The following NEBL variants were observed in gnomAD, a reference collection of about 807,000 sequenced individuals.
The protein encoded by NEBL is nebulette.
NEBL carries 122 observed loss-of-function variants against 140.2 expected under a neutral mutation model. The observed-to-expected ratio is 0.87, with a 90% CI of 0.75 to 1.01. The LOEUF (loss-of-function observed/expected upper bound fraction) is 1.01, where lower values mean the gene tolerates loss of function less well. Among genes scored for constraint, NEBL ranks in the 50% least tolerant of loss-of-function variants. NEBL has a pLI of 0.00. For synonymous variants in NEBL, 436 were observed against 398.9 expected (o/e 1.09, Z -1.11); for missense variants, 1,365 against 1,231.3 (o/e 1.11, Z -1.62).
intron 3 of NEBL, among the ~76,000 whole-genome samples, chr10:20,963,091 A>G (rs1288435182): frequency 6.6e-6 from 1 of 151,662 alleles, no homozygotes; most frequent in African/African-American, 2.4e-5. Flanking sequence ...AGAATACCTA[A>G]TTCTTCTCTC....
intron 4 of NEBL, among the ~76,000 whole-genome samples, chr10:20,918,357 CA>C (rs1263680500): frequency 4.6e-5 from 7 of 151,468 alleles, no homozygotes; most frequent in South Asian, 2.1e-4. Context: ...GACTCTGTCT[CA>C]AAAAAAAGAA....
At position 20,938,733 on chromosome 10, in the gene NEBL, A is replaced by G. The variant is rs568190725; in HGVS notation, c.357+22939T>C. Among the ~76,000 whole-genome samples the G allele has an allele frequency of 8.5e-5, 13 of 152,324 alleles. No homozygotes were observed. In the East Asian group the frequency reaches 2.3e-3, roughly 27 times the overall value. On this transcript the variant is annotated intron_variant, in intron 4 of 6. Transcript: ENST00000417816. ...GCTAACTAGAATAACCAATGCAAAG[A>G]AGTCCTCAAAGGACCTGATGGAGCT...
At chr10:20,893,939 T>C (rs1424471871) in intron 2 of NEBL, among the ~76,000 whole-genome samples, 1 of 152,196 alleles carries the variant, frequency 6.6e-6, no homozygotes. Context: ...ATCTAACAGC[T>C]TTCTGCAGCT....
chr10:20,799,521 G>A (rs1235510217), intron 26 of NEBL, among the ~76,000 whole-genome samples: 1 of 152,030 alleles, frequency 6.6e-6, no homozygotes, highest in East Asian at 1.9e-4. Context: ...CACTTTTTTG[G>A]ACAAATGTAA....
At chr10:21,208,122 G>C (rs1053856524) in intron 3 of NEBL, among the ~76,000 whole-genome samples, 2 of 152,110 alleles carry the variant, frequency 1.3e-5, no homozygotes, top group South Asian at 2.1e-4. Context: ...CTAGGCTGGG[G>C]TTTTTAAGAA....
intron 11 of NEBL, among the ~76,000 whole-genome samples, 183 bp downstream of exon 11, chr10:20,850,212 A>G (rs1039692119): frequency 5.3e-5 from 8 of 152,202 alleles, no homozygotes; most frequent in African/African-American, 1.9e-4. Flanking sequence ...GAAGCTAAGG[A>G]CCAGATAAAC....
At chr10:20,897,358 A>G, upstream of NEBL, 1 of 1,449,016 alleles carries the variant, frequency 6.9e-7, no homozygotes, top group Non-Finnish European at 9.0e-7. Context: ...TTCACTCCTT[A>G]TCTCAGTGGT....
intron 3 of NEBL, among the ~76,000 whole-genome samples, chr10:21,197,952 A>C (rs74121100): frequency 0.017 from 2,597 of 149,988 alleles, 78 homozygotes; most frequent in African/African-American, 0.059. Context: ...ACCCAGCCCA[A>C]CTCCTCCAGG....
At chr10:21,113,396 C>T in intron 2 of NEBL, 1 of 421,268 alleles carries the variant, frequency 2.4e-6, no homozygotes, top group Non-Finnish European at 4.5e-6. Flanking sequence ...AAAGGTGGTT[C>T]TCTTCCCAAA....
chr10:20,957,868 G>T (rs1260256993), intron 4 of NEBL, among the ~76,000 whole-genome samples: 1 of 152,164 alleles, frequency 6.6e-6, no homozygotes, highest in Admixed American at 6.6e-5. Flanking sequence ...CACAAAGTCT[G>T]TAAAAGTCTC....
chr10:21,096,238 C>T (rs143767029), intron 2 of NEBL, among the ~76,000 whole-genome samples: 20 of 152,300 alleles, frequency 1.3e-4, no homozygotes, highest in Admixed American at 2.6e-4. Context: ...CCTTCCCTCT[C>T]TCTTCCCACT....
chr10:20,801,371 A>AT (rs1453717795), intron 26 of NEBL, among the ~76,000 whole-genome samples: 2 of 151,520 alleles, frequency 1.3e-5, no homozygotes, highest in Non-Finnish European at 2.9e-5. Context: ...TAATTTTTGT[A>AT]TTTTTAGTAG....
intron 2 of NEBL, among the ~76,000 whole-genome samples, chr10:21,039,060 G>GTTT (rs57149647): frequency 1.1e-4 from 11 of 99,422 alleles, no homozygotes; most frequent in Non-Finnish European, 1.9e-4. Context: ...TGATGGGGCT[G>GTTT]TTTTTTTTTT....
intron 2 of NEBL, among the ~76,000 whole-genome samples, chr10:21,061,484 C>CATATATGATATATCATATATTACATT (rs1835303472): frequency 6.8e-6 from 1 of 147,046 alleles, no homozygotes; most frequent in African/African-American, 2.5e-5. Context: ...TATATTACAT[C>CATATATGATATATCATATATTACATT]ATATATGATA....
intron 2 of NEBL, among the ~76,000 whole-genome samples, chr10:21,141,532 T>C (rs940494104): frequency 6.6e-6 from 1 of 152,152 alleles, no homozygotes; most frequent in Admixed American, 6.5e-5. Flanking sequence ...TACATCAAAA[T>C]AAAAGTTGAA....
chr10:21,033,996 T>C (rs1221423413), intron 2 of NEBL, among the ~76,000 whole-genome samples: 5 of 150,894 alleles, frequency 3.3e-5, no homozygotes, highest in African/African-American at 9.7e-5. Context: ...CGAAAACTCA[T>C]CTCTACAAAA....
intron 2 of NEBL, among the ~76,000 whole-genome samples, chr10:21,071,835 T>G (rs1835830743): frequency 6.6e-6 from 1 of 152,182 alleles, no homozygotes; most frequent in African/African-American, 2.4e-5. Flanking sequence ...TGTCTTTTTT[T>G]TGAGATGGAG....
intron 4 of NEBL, among the ~76,000 whole-genome samples, chr10:20,927,865 C>A (rs1006839631): frequency 1.3e-5 from 2 of 152,116 alleles, no homozygotes; most frequent in African/African-American, 4.8e-5. Context: ...TAGATAGGCA[C>A]GACCAAGTAT....
At chr10:21,200,710 G>A in intron 3 of NEBL, among the ~76,000 whole-genome samples, 1 of 152,192 alleles carries the variant, frequency 6.6e-6, no homozygotes, top group East Asian at 1.9e-4. Flanking sequence ...CCTGGAGTCA[G>A]AGCAGAGGCG....
Sources: gnomAD v4.1 joint callset for allele counts (sites outside exome capture counted in the v4.1 genomes callset) on GRCh38, gnomAD v4.1.1 for gene constraint, MANE v1.5 for transcripts, NCBI Gene and HGNC (gene_info 2026-07-23, HGNC 2026-07-21) for gene names.